The following LRRC69 variants were observed in gnomAD, a reference collection of about 807,000 sequenced individuals.
The protein encoded by LRRC69 is leucine rich repeat containing 69, also known as leucine-rich repeat-containing protein 69.
A neutral mutation model predicts 37.8 loss-of-function variants in LRRC69; 42 were observed. The observed-to-expected ratio is 1.11, with a 90% CI of 0.87 to 1.44. LRRC69 has a LOEUF of 1.44. LRRC69 is among the 40% of genes most tolerant of loss of function. The probability of loss-of-function intolerance (pLI) is 0.00; values close to 1 mark genes in which losing one functional copy is unlikely to be tolerated. For missense variants in LRRC69, 357 were observed against 401.9 expected (o/e 0.89, Z 0.96); for synonymous variants, 141 against 143.1 (o/e 0.99, Z 0.11).
At chr8:91,147,673 G>A (rs13279087) in intron 5 of LRRC69, among the ~76,000 whole-genome samples, 7,948 of 151,716 alleles carry the variant, frequency 0.052, 301 homozygotes, top group Middle Eastern at 0.16. Context: ...AAAATCTTAC[G>A]AAGTTTTATA....
intron 3 of LRRC69, 123 bp from the exon 4 acceptor site, chr8:91,132,987 A>AGTGTTTACACTC (rs1813833670): frequency 7.0e-6 from 4 of 569,958 alleles, no homozygotes; most frequent in Non-Finnish European, 1.2e-5. Context: ...CACTTGACTG[A>AGTGTTTACACTC]AGTAAGCTCA....
chr8:91,104,919 G>A (rs986553830), intron 1 of LRRC69, among the ~76,000 whole-genome samples: 3 of 152,026 alleles, frequency 2.0e-5, no homozygotes, highest in Non-Finnish European at 4.4e-5. Flanking sequence ...ATAGGAAAAA[G>A]CCCCAAGAGT....
At chr8:91,118,227 G>A (rs915429153) in intron 1 of LRRC69, 5 of 455,118 alleles carry the variant, frequency 1.1e-5, no homozygotes, top group Admixed American at 4.7e-5. Context: ...CTTCTAGGCC[G>A]GGTGCGGTGG....
intron 5 of LRRC69, among the ~76,000 whole-genome samples, chr8:91,155,825 T>G (rs1808823585): frequency 6.7e-6 from 1 of 150,302 alleles, no homozygotes; most frequent in East Asian, 2.0e-4. Context: ...TTCATTCTTT[T>G]TATGACTAAA....
At chr8:91,196,893 G>A (rs562467596) in intron 6 of LRRC69, among the ~76,000 whole-genome samples, 12 of 152,238 alleles carry the variant, frequency 7.9e-5, no homozygotes, top group South Asian at 2.1e-4. Context: ...GAGGCACTGC[G>A]TTCCTTTGGA....
At chr8:91,130,870 C>A (rs1734767702) in intron 3 of LRRC69, 1 of 151,954 alleles carries the variant, frequency 6.6e-6, no homozygotes. Context: ...TAGAGTGGCA[C>A]CTTTCTCACT....
intron 1 of LRRC69, among the ~76,000 whole-genome samples, chr8:91,112,338 T>G (rs1161114366): frequency 1.3e-5 from 2 of 151,986 alleles, no homozygotes; most frequent in Non-Finnish European, 2.9e-5. Flanking sequence ...GTGCTGGACC[T>G]ACCACCAAGG....
At chr8:91,189,948 C>A (rs947023363) in intron 6 of LRRC69, among the ~76,000 whole-genome samples, 1 of 152,128 alleles carries the variant, frequency 6.6e-6, no homozygotes, top group African/African-American at 2.4e-5. Flanking sequence ...GTCTTTACCT[C>A]TTTCACTCCC....
chr8:91,118,107 A>G, intron 1 of LRRC69: 1 of 451,512 alleles, frequency 2.2e-6, no homozygotes, highest in South Asian at 1.6e-5. Flanking sequence ...AGATAGCTAG[A>G]TCTTCCTAAC....
chr8:91,127,228 GAA>G, intron 3 of LRRC69, 68 bp downstream of exon 3: 1 of 1,182,968 alleles, frequency 8.5e-7, no homozygotes, highest in Non-Finnish European at 1.2e-6. Context: ...CTGGTCATTT[GAA>G]AGCATTATGC....
intron 5 of LRRC69, among the ~76,000 whole-genome samples, chr8:91,152,130 T>C (rs1321910473): frequency 1.3e-5 from 2 of 151,382 alleles, no homozygotes; most frequent in African/African-American, 4.8e-5. Flanking sequence ...GTGCATACAC[T>C]CTTTAATTAG....
At chr8:91,178,888 G>A (rs1809279377) in intron 5 of LRRC69, among the ~76,000 whole-genome samples, 1 of 152,138 alleles carries the variant, frequency 6.6e-6, no homozygotes, top group Admixed American at 6.5e-5. Context: ...ATGTTTATGT[G>A]TACACAATTT....
In LRRC69 at chr8:91,146,300, C is replaced by T. The variant is rs902331530; in HGVS notation, c.651+10561C>T. Among the ~76,000 whole-genome samples, 7 of 151,762 alleles carry T rather than the reference C, an allele frequency of 4.6e-5. 1 individual carries two copies. The highest frequency in any genetic ancestry group is 2.6e-4 in the Admixed American group (4 of 15,192). On this transcript the variant is annotated intron_variant, in intron 5 of 7. Transcript: ENST00000448384. ...GATCCTCAAATTTCAGCAACATTCA[C>T]CTCTCATCTCTCTTGTTGAGAGGCC...
intron 5 of LRRC69, among the ~76,000 whole-genome samples, chr8:91,137,269 ACTT>A (rs1490313332): frequency 4.6e-5 from 7 of 151,910 alleles, no homozygotes; most frequent in Non-Finnish European, 8.8e-5. Context: ...TTCTGGTGCC[ACTT>A]CTTCTATGGT....
chr8:91,206,408 A>C (rs1809806090), intron 7 of LRRC69, among the ~76,000 whole-genome samples: 1 of 152,208 alleles, frequency 6.6e-6, no homozygotes, highest in Non-Finnish European at 1.5e-5. Context: ...TGAGGATAGA[A>C]ATGTATGTTG....
chr8:91,110,464 A>G lies in LRRC69; in HGVS notation c.183+7620A>G, dbSNP rs918727350. Among the ~76,000 whole-genome samples, 82 of 152,100 alleles carry G rather than the reference A, an allele frequency of 5.4e-4. 1 individual carries two copies. The highest frequency in any genetic ancestry group is 1.8e-3 in the African/African-American group (74 of 41,546). On this transcript the variant is annotated intron_variant, in intron 1 of 7. Coordinates refer to ENST00000448384, the Ensembl canonical transcript of LRRC69. ...AGACCAGCCTTACCAACATGGTGAA[A>G]CCCCATCTCTACTAAAAATACAAAA...
At chr8:91,162,509 T>G (rs1808962933) in intron 5 of LRRC69, among the ~76,000 whole-genome samples, 1 of 151,462 alleles carries the variant, frequency 6.6e-6, no homozygotes, top group Non-Finnish European at 1.5e-5. Context: ...TATAATGACC[T>G]TCTTTGTTCC....
chr8:91,154,418 C>G (rs1330936029), intron 5 of LRRC69, among the ~76,000 whole-genome samples: 1 of 151,470 alleles, frequency 6.6e-6, no homozygotes, highest in Admixed American at 6.6e-5. Flanking sequence ...CTGGCAGACA[C>G]ACAACAAAAA....
intron 5 of LRRC69, among the ~76,000 whole-genome samples, chr8:91,148,675 T>C (rs1243178127): frequency 6.6e-6 from 1 of 151,998 alleles, no homozygotes; most frequent in Non-Finnish European, 1.5e-5. Flanking sequence ...TCCACAAGGG[T>C]TGAACTAGTT....
Sources: allele counts gnomAD v4.1 joint callset (sites outside exome capture counted in the v4.1 genomes callset), GRCh38; gene constraint gnomAD v4.1.1; transcripts MANE v1.5; gene names NCBI Gene and HGNC (gene_info 2026-07-23, HGNC 2026-07-21).